BUB1B: variants seen among roughly 807,000 people sequenced by gnomAD.
BUB1B encodes mitotic checkpoint serine/threonine-protein kinase BUB1 beta.
BUB1B carries 86 observed loss-of-function variants against 137.7 expected under a neutral mutation model. The ratio of observed to expected loss-of-function variants is 0.62; its 90% CI spans 0.52 to 0.75. BUB1B has a LOEUF of 0.75. BUB1B is among the 30% of genes least tolerant of loss of function. BUB1B has a pLI of 0.00. For missense variants in BUB1B, 1,130 were observed against 1,236.9 expected, an observed-to-expected ratio of 0.91 and a Z score of 1.30; for synonymous variants, 420 against 417.9, an observed-to-expected ratio of 1.00 and a Z score of -0.06.
chr15:40,207,736 A>G (rs1301955577), intron 15 of BUB1B, among the ~76,000 whole-genome samples: 1 of 151,806 alleles, frequency 6.6e-6, no homozygotes, highest in Non-Finnish European at 1.5e-5. Context: ...GAAATAATGG[A>G]CTTGAAAAAT....
intron 16 of BUB1B, 118 bp from the exon 17 acceptor site, chr15:40,209,512 GTTAAA>G: frequency 8.6e-7 from 1 of 1,158,754 alleles, no homozygotes. Context: ...GGTGAGTGTA[GTTAAA>G]TTAACAGTGC....
intron 5 of BUB1B, among the ~76,000 whole-genome samples, chr15:40,181,036 A>AT (rs2037285927): frequency 6.7e-6 from 1 of 148,876 alleles, no homozygotes; most frequent in African/African-American, 2.5e-5. Flanking sequence ...CTTGTCCAAG[A>AT]TTTTTTCTTG....
At position 40,206,205 on chromosome 15, in the gene BUB1B, C is replaced by G; in HGVS notation, c.1756C>G (p.Pro586Ala). 6.2e-7 allele frequency: 1 copy of G among 1,614,122 alleles called. No homozygotes were observed. Among genetic ancestry groups the G allele is most frequent in the South Asian group, 1.1e-5 (1 of 91,068 alleles). Residue 586 changes from proline to alanine, a missense_variant, in exon 15 of 23, where the codon CCC becomes GCC. Coordinates refer to ENST00000287598, the MANE Select transcript of BUB1B (RefSeq NM_001211.6). ...TCAGGATGAATTTACAGGAATTGAA[C>G]CCTTGAGCGAGGATGCCATTATCAC... ...DVCDEFTGIE[P>A]LSEDAIITGF...
chr15:40,169,964 A>G, intron 2 of BUB1B, 98 bp from the exon 3 acceptor site: 1 of 1,023,058 alleles, frequency 9.8e-7, no homozygotes, highest in Admixed American at 1.7e-5. Context: ...ATTTAGATCA[A>G]TATTACCTAC....
chr15:40,180,151 A>G (rs2037268135), intron 5 of BUB1B, among the ~76,000 whole-genome samples: 1 of 151,516 alleles, frequency 6.6e-6, no homozygotes, highest in African/African-American at 2.4e-5. Context: ...GTTGTCAATT[A>G]ATTCTCCTAG....
In BUB1B at chr15:40,169,942, T is replaced by C. The variant is rs531973913; in HGVS notation, c.180-120T>C. The C allele has an allele frequency of 5.6e-6, 5 of 884,986 alleles. No homozygotes were observed. In the South Asian group the frequency reaches 6.9e-5, roughly 12 times the overall value. The allele number at this position is 884,986 out of a possible 1,614,324, so 54.8% of individuals were successfully genotyped here. A position where few individuals can be genotyped will look rare whatever the true frequency, so the allele number is the denominator to read the frequency against. On this transcript the variant is annotated intron_variant, in intron 2 of 22. Transcript: ENST00000287598. Reference sequence around the variant, plus strand: ...TCTATTCTATAACAAACCCATAAACTCTAGTGCAATAATTTAGATCAATAT... The same window carrying C: ...TCTATTCTATAACAAACCCATAAACCCTAGTGCAATAATTTAGATCAATAT...
Position 40,176,677 on chromosome 15 carries a change from A to G in BUB1B, c.581+4A>G. ...AAAGACTACAGTCCCAGCACCGGTA[A>G]ACTTTCTTTGGAGCTTGTCTTAACT... On this transcript the variant is annotated splice_donor_region_variant and intron_variant, in intron 5 of 22. Coordinates refer to ENST00000287598, the MANE Select transcript of BUB1B (RefSeq NM_001211.6). The G allele has an allele frequency of 6.2e-7, 1 of 1,613,904 alleles. No homozygotes were observed. Among genetic ancestry groups the G allele is most frequent in the Non-Finnish European group, 8.5e-7 (1 of 1,179,772 alleles).
Position 40,206,404 on chromosome 15 carries a change from A to G in BUB1B, c.1955A>G (p.Gln652Arg), listed in dbSNP as rs1158333848. Residue 652 changes from glutamine (Q) to arginine (R), a missense_variant, in exon 15 of 23, where the codon CAG (glutamine) becomes CGG (arginine). Transcript: ENST00000287598. ...EDLDVKTSED[Q>R]QTACGTIYSQ... is the part of the protein sequence containing the mutation. ...CTAGATGTAAAGACCTCTGAGGACCAGCAGACAGCTTGTGGCACTATCTAC... is the reference window on the plus strand; with the variant it reads ...CTAGATGTAAAGACCTCTGAGGACCGGCAGACAGCTTGTGGCACTATCTAC... 1.2e-6 allele frequency: 2 copies of G among 1,614,248 alleles called. No individual in the cohort carries two copies. Among genetic ancestry groups the G allele is most frequent in the South Asian group, 2.2e-5 (2 of 91,092 alleles).
intron 5 of BUB1B, among the ~76,000 whole-genome samples, chr15:40,179,170 GAGGGAAGGGTGGAAC>G (rs2037255678): frequency 6.6e-6 from 1 of 151,512 alleles, no homozygotes; most frequent in Non-Finnish European, 1.5e-5. Context: ...TTTTTCCAGG[GAGGGAAGGGTGGAAC>G]AGGGATTTTC....
intron 6 of BUB1B, 24 bp downstream of exon 6, chr15:40,183,907 G>A (rs369386180): frequency 4.6e-5 from 74 of 1,611,026 alleles, no homozygotes; most frequent in Non-Finnish European, 3.6e-5. Flanking sequence ...ACGTTATTTC[G>A]GAAAACTGTT....
chr15:40,188,374 T>C (rs1471240660), intron 8 of BUB1B, among the ~76,000 whole-genome samples: 1 of 151,994 alleles, frequency 6.6e-6, no homozygotes, highest in African/African-American at 2.4e-5. Context: ...TTCTTTTCCA[T>C]GGATGTTTTA....
In BUB1B at chr15:40,199,638, AAG is replaced by A; in HGVS notation, c.1317_1318del (p.Arg439SerfsTer8). 1.9e-6 allele frequency: 3 copies of A among 1,614,040 alleles called. No homozygotes were observed. The highest frequency in any genetic ancestry group is 2.5e-6 in the Non-Finnish European group (3 of 1,179,910). On this transcript the variant is annotated frameshift_variant, in exon 10 of 23. Transcript: ENST00000287598. LOFTEE classifies it high-confidence loss of function. The part of the protein sequence containing the change: ...REAELLTSAE[K>X]RAEMQKQIEE... Reference sequence around the variant, plus strand: ...AGCCGAGCTATTGACCAGTGCAGAGAAGAGAGCAGAAATGCAGAAACAGATTG... The same window carrying A: ...AGCCGAGCTATTGACCAGTGCAGAGAAGAGCAGAAATGCAGAAACAGATTG...
chr15:40,189,301 A>T (rs2037408391), intron 8 of BUB1B, among the ~76,000 whole-genome samples: 1 of 152,192 alleles, frequency 6.6e-6, no homozygotes, highest in Non-Finnish European at 1.5e-5. Context: ...CTGGGACTAC[A>T]GGCATGTGCC....
At chr15:40,200,411 C>A in intron 11 of BUB1B, 52 bp downstream of exon 11, 1 of 1,335,614 alleles carries the variant, frequency 7.5e-7, no homozygotes, top group Non-Finnish European at 1.1e-6. Context: ...CATTTAGAAC[C>A]AACCTTTGAC....
Position 40,208,642 on chromosome 15 carries a change from T to A in BUB1B, c.2015T>A (p.Ile672Asn). The A allele has an allele frequency of 6.2e-7, 1 of 1,613,470 alleles. No homozygotes were observed. The highest frequency in any genetic ancestry group is 1.1e-5 in the South Asian group (1 of 91,054). Residue 672 changes from isoleucine (I) to asparagine (N), a missense_variant, in exon 16 of 23, where the codon ATT becomes AAT. By Grantham distance (149) the Ile-to-Asn change is moderately radical. Coordinates refer to ENST00000287598, the MANE Select transcript of BUB1B (RefSeq NM_001211.6). ...QTLSIKKLSP[I>N]IEDSREATHS... ...CTTATTTTTGATTCTTTTAGCCCAA[T>A]TATTGAAGACAGTCGTGAAGCCACA...
At position 40,202,658 on chromosome 15, in the gene BUB1B, C is replaced by A; in HGVS notation, c.1698C>A (p.Ser566Arg). 6.2e-7 allele frequency: 1 copy of A among 1,614,034 alleles called. No homozygotes were observed. The highest frequency in any genetic ancestry group is 8.5e-7 in the Non-Finnish European group (1 of 1,179,934). ...RPLAVLKTSE[S>R]ITSNEDVSPD... ...TTGCAGTTCTCAAAACCTCAGAAAG[C>A]ATCACCTCAAATGAAGATGTGTCTC... Residue 566 changes from serine (S) to arginine (R), a missense_variant, in exon 14 of 23, where the codon AGC (serine) becomes AGA (arginine). By Grantham distance (110) the Ser-to-Arg change is moderately radical. Coordinates refer to ENST00000287598, the MANE Select transcript of BUB1B (RefSeq NM_001211.6).
In BUB1B at chr15:40,185,345, GC is replaced by G; in HGVS notation, c.935del (p.Pro312LeufsTer19). The G allele has an allele frequency of 6.2e-7, 1 of 1,614,186 alleles. No individual in the cohort carries two copies. The highest frequency in any genetic ancestry group is 8.5e-7 in the Non-Finnish European group (1 of 1,180,034). Reference sequence around the variant, plus strand: ...GCCAAAGAGAATGAGCTGCAAGCAGGCCCTTGGAACACAGGCAGGTCCTTGG... The same window carrying G: ...GCCAAAGAGAATGAGCTGCAAGCAGGCCTTGGAACACAGGCAGGTCCTTGG... ...PRAKENELQA[G>X]PWNTGRSLEH... On this transcript the variant is annotated frameshift_variant, in exon 7 of 23. Transcript: ENST00000287598. LOFTEE classifies it high-confidence loss of function.
intron 4 of BUB1B, among the ~76,000 whole-genome samples, chr15:40,172,116 AAAAT>A (rs1321587058): frequency 6.6e-6 from 1 of 151,282 alleles, no homozygotes; most frequent in Non-Finnish European, 1.5e-5. Flanking sequence ...ATTTCTTACT[AAAAT>A]AAAGTAATAA....
intron 8 of BUB1B, chr15:40,186,907 T>TC (rs2037372429): frequency 6.6e-6 from 1 of 151,956 alleles, no homozygotes; most frequent in Admixed American, 6.5e-5. Flanking sequence ...TTTTTTCTTT[T>TC]TTTTTTTTTC....
Sources: allele counts gnomAD v4.1 joint callset (sites outside exome capture counted in the v4.1 genomes callset), GRCh38; gene constraint gnomAD v4.1.1; transcripts MANE v1.5; gene names NCBI Gene and HGNC (gene_info 2026-07-23, HGNC 2026-07-21).